MALAT1: variants seen among roughly 807,000 people sequenced by gnomAD.
The protein encoded by MALAT1 is metastasis associated lung adenocarcinoma transcript 1, also known as hepcarcin.
At chr11:65,505,287 A>T (rs766070324) in intron 3 of MALAT1, 1 of 518,792 alleles carries the variant, frequency 1.9e-6, no homozygotes, top group Non-Finnish European at 3.8e-6. Context: ...AGGTCAAGAG[A>T]AGTGTCAGCC....
Position 65,500,932 on chromosome 11 carries a change from T to C in MALAT1, n.2195T>C, listed in dbSNP as rs778149418. On this transcript the variant is annotated non_coding_transcript_exon_variant, in exon 3 of 4. Transcript: ENST00000619449. ...TGTAGGTTTCTCTTTTTCAGGCTTATACTCATGAATCTTGTCTGAAGCTTT... is the reference window on the plus strand; with the variant it reads ...TGTAGGTTTCTCTTTTTCAGGCTTACACTCATGAATCTTGTCTGAAGCTTT... The C allele has an allele frequency of 5.5e-5, 28 of 512,896 alleles. No individual in the cohort carries two copies. In the East Asian group the frequency reaches 1.2e-3, roughly 22 times the overall value. The allele number at this position is 512,896 out of a possible 1,614,324, so 31.8% of individuals were successfully genotyped here. A position where few individuals can be genotyped will look rare whatever the true frequency, so the allele number is the denominator to read the frequency against.
exon 3 of MALAT1, chr11:65,503,715 C>G (rs752010383): frequency 1.9e-6 from 1 of 517,608 alleles, no homozygotes; most frequent in East Asian, 5.4e-5. Context: ...GGGGATTCTT[C>G]TCTAATCTTT....
exon 3 of MALAT1, chr11:65,500,461 C>T (rs760671629): frequency 5.8e-6 from 3 of 518,878 alleles, no homozygotes; most frequent in Non-Finnish European, 1.2e-5. Flanking sequence ...TTCCAGGAAC[C>T]AGTGTTTGAT....
intron 3 of MALAT1, chr11:65,504,825 C>G (rs765301720): frequency 1.9e-6 from 1 of 519,006 alleles, no homozygotes; most frequent in South Asian, 1.4e-5. Context: ...TGCAGGAACA[C>G]TCAGCAGACA....
exon 3 of MALAT1, chr11:65,503,562 TGTG>T (rs768319236): frequency 1.9e-6 from 1 of 518,194 alleles, no homozygotes; most frequent in South Asian, 1.4e-5. Flanking sequence ...ATTTACATGT[TGTG>T]ATGTAAATTG....
chr11:65,505,146 G>A (rs1854651984), intron 3 of MALAT1: 1 of 518,916 alleles, frequency 1.9e-6, no homozygotes. Context: ...TGGGGGTGGA[G>A]GGGTGAGGTG....
chr11:65,497,752 C>CGA (rs769884715), exon 1 of MALAT1: 1 of 429,382 alleles, frequency 2.3e-6, no homozygotes, highest in Non-Finnish European at 4.6e-6. Context: ...GCCTGCAGCC[C>CGA]GAGACTTCTG....
chr11:65,498,844 G>A (rs752296286), intron 2 of MALAT1: 3 of 518,530 alleles, frequency 5.8e-6, no homozygotes, highest in South Asian at 2.8e-5. Flanking sequence ...CCACACGCTA[G>A]TAATTTAAGT....
exon 3 of MALAT1, chr11:65,501,691 A>AAG (rs760320527): frequency 1.2e-5 from 6 of 518,926 alleles, no homozygotes; most frequent in South Asian, 8.4e-5. Flanking sequence ...TTATCCTTGG[A>AAG]AGAGTATTCC....
chr11:65,500,846 G>A lies in MALAT1; in HGVS notation n.2109G>A, dbSNP rs181985505. 37 of 518,778 alleles carry A rather than the reference G, an allele frequency of 7.1e-5. No individual in the cohort carries two copies. In the East Asian group the frequency reaches 1.9e-3, roughly 27 times the overall value. 32.1% of individuals were successfully genotyped at this position (518,778 alleles called of 1,614,324 possible). ...TTTTATTTATTTTCTAATATAATGG[G>A]GGAGTTTCGTACTGAGGTGTAAAGG... On this transcript the variant is annotated non_coding_transcript_exon_variant, in exon 3 of 4. Transcript: ENST00000619449.
At position 65,501,825 on chromosome 11, in the gene MALAT1, T is replaced by TA. The variant is rs781686800; in HGVS notation, n.3092dup. On this transcript the variant is annotated non_coding_transcript_exon_variant, in exon 3 of 4. Coordinates refer to ENST00000619449, the Ensembl canonical transcript of MALAT1. ...TAAGTTTTCCAATAATGTGACTTCT[T>TA]AAAAGTTTTATTAAAGGGGAGGGGC... The TA allele has an allele frequency of 9.7e-6, 5 of 517,692 alleles. No homozygotes were observed. The East Asian group carries it at 1.6e-4, about 17-fold the overall frequency. The allele number at this position is 517,692 out of a possible 1,614,324, so 32.1% of individuals were successfully genotyped here. A position where few individuals can be genotyped will look rare whatever the true frequency, so the allele number is the denominator to read the frequency against.
At chr11:65,500,173 G>A (rs778256864) in exon 3 of MALAT1, 1 of 506,426 alleles carries the variant, frequency 2.0e-6, no homozygotes, top group African/African-American at 2.0e-5. Flanking sequence ...GCTACTAAAA[G>A]GACTGGTGTA....
At chr11:65,504,769 TTA>T (rs765184061) in intron 3 of MALAT1, 5 of 519,044 alleles carry the variant, frequency 9.6e-6, no homozygotes, top group East Asian at 1.1e-4. Flanking sequence ...AGTGCATTGT[TTA>T]TGTGTGGGTT....
intron 3 of MALAT1, chr11:65,504,160 C>T (rs912323456): frequency 1.9e-6 from 1 of 516,376 alleles, no homozygotes; most frequent in Admixed American, 2.0e-5. Context: ...TGAAGCCATT[C>T]AGGATTTTGA....
exon 3 of MALAT1, chr11:65,499,976 A>T (rs548066092): frequency 2.3e-6 from 1 of 428,892 alleles, no homozygotes; most frequent in South Asian, 1.7e-5. Flanking sequence ...ATTGGATAAA[A>T]TAGCACTGAA....
At chr11:65,504,670 A>C in intron 3 of MALAT1, 1 of 518,946 alleles carries the variant, frequency 1.9e-6, no homozygotes, top group East Asian at 5.4e-5. Flanking sequence ...GCAACCTTAA[A>C]ATCAGTGACA....
chr11:65,497,833 G>T (rs1396716134), exon 1 of MALAT1: 6 of 514,350 alleles, frequency 1.2e-5, no homozygotes, highest in Non-Finnish European at 2.3e-5. Context: ...CAACGCAGAA[G>T]CCCGGCGCCG....
exon 2 of MALAT1, chr11:65,498,709 A>G (rs758897917): frequency 3.7e-5 from 19 of 518,514 alleles, no homozygotes; most frequent in Non-Finnish European, 6.9e-5. Context: ...CTGTCCCTCA[A>G]GAGAACACAA....
chr11:65,498,450 G>A (rs1411266468), intron 1 of MALAT1: 1 of 518,534 alleles, frequency 1.9e-6, no homozygotes, highest in Non-Finnish European at 3.8e-6. Flanking sequence ...TTTTCCAAGA[G>A]TGGGTTTTCA....
Sources: gnomAD v4.1 joint callset for allele counts on GRCh38, gnomAD v4.1.1 for gene constraint, MANE v1.5 for transcripts, NCBI Gene and HGNC (gene_info 2026-07-23, HGNC 2026-07-21) for gene names.